TM9SF2: variants seen among roughly 807,000 people sequenced by gnomAD.
TM9SF2 encodes transmembrane 9 superfamily member 2.
TM9SF2 carries 13 observed loss-of-function variants against 84.9 expected under a neutral mutation model. That is an observed-to-expected ratio of 0.15 (90% CI 0.10 to 0.24). The LOEUF is 0.24. Among genes scored for constraint, TM9SF2 ranks in the 10% least tolerant of loss-of-function variants. The probability of loss-of-function intolerance (pLI) is 1.00; values close to 1 mark genes in which losing one functional copy is unlikely to be tolerated. For synonymous variants in TM9SF2, 273 were observed against 285.8 expected (o/e 0.96, Z 0.45); for missense variants, 562 against 818.5 (o/e 0.69, Z 3.82).
At chr13:99,519,298 T>G (rs1387341409) in intron 2 of TM9SF2, among the ~76,000 whole-genome samples, 2 of 152,068 alleles carry the variant, frequency 1.3e-5, no homozygotes, top group African/African-American at 4.8e-5. Context: ...CCCCAGTTTT[T>G]TTTTTTTTTT....
At chr13:99,520,350 G>A (rs2046153937) in intron 3 of TM9SF2, among the ~76,000 whole-genome samples, 1 of 152,128 alleles carries the variant, frequency 6.6e-6, no homozygotes, top group Non-Finnish European at 1.5e-5. Context: ...ACTAATGTTA[G>A]GAATGTTAAG....
intron 10 of TM9SF2, among the ~76,000 whole-genome samples, chr13:99,545,100 C>T (rs1219849312): frequency 6.6e-6 from 1 of 152,118 alleles, no homozygotes; most frequent in Non-Finnish European, 1.5e-5. Flanking sequence ...TGGGAGAATT[C>T]AGAAACTAAC....
At chr13:99,533,652 T>A (rs1205089866) in intron 4 of TM9SF2, among the ~76,000 whole-genome samples, 1 of 152,200 alleles carries the variant, frequency 6.6e-6, no homozygotes, top group Admixed American at 6.5e-5. Context: ...GAATACTTTT[T>A]ATTTTTTTAT....
intron 4 of TM9SF2, among the ~76,000 whole-genome samples, chr13:99,532,567 G>A (rs1411370464): frequency 3.3e-5 from 5 of 152,056 alleles, no homozygotes; most frequent in Non-Finnish European, 4.4e-5. Context: ...GCAGGCGCCT[G>A]TAATCCCAGC....
In TM9SF2 at chr13:99,539,247, C is replaced by T. The variant is rs117278378; in HGVS notation, c.717-199C>T. Among the ~76,000 whole-genome samples the T allele has an allele frequency of 4.4e-4, 67 of 151,682 alleles. No individual in the cohort carries two copies. The East Asian group carries it at 0.013, about 29-fold the overall frequency. ...GAAAAAAAAAAAGATTATTTAAATG[C>T]TCTTCAAGTATAGTGTTTTCAAAAG... On this transcript the variant is annotated intron_variant, in intron 6 of 16. Coordinates refer to ENST00000376387, the MANE Select transcript of TM9SF2 (RefSeq NM_004800.3).
chr13:99,510,738 C>T (rs2046110206), intron 1 of TM9SF2, among the ~76,000 whole-genome samples: 2 of 152,206 alleles, frequency 1.3e-5, no homozygotes, highest in Non-Finnish European at 2.9e-5. Flanking sequence ...CCACCTCCAA[C>T]ACTGGAGAAT....
chr13:99,552,400 C>A, intron 13 of TM9SF2, 74 bp downstream of exon 13: 1 of 1,404,950 alleles, frequency 7.1e-7, no homozygotes, highest in Non-Finnish European at 9.8e-7. Flanking sequence ...TCAAAAGATA[C>A]CATAAAAGTG....
At chr13:99,511,246 C>CG (rs2139072049) in intron 1 of TM9SF2, among the ~76,000 whole-genome samples, 1 of 152,178 alleles carries the variant, frequency 6.6e-6, no homozygotes, top group Non-Finnish European at 1.5e-5. Flanking sequence ...CACCTAGAAT[C>CG]AACAGTTGTT....
At chr13:99,526,060 A>G (rs1379528257) in intron 3 of TM9SF2, among the ~76,000 whole-genome samples, 1 of 152,210 alleles carries the variant, frequency 6.6e-6, no homozygotes, top group African/African-American at 2.4e-5. Flanking sequence ...AGGCAGAGAC[A>G]TGGGGCATGA....
intron 2 of TM9SF2, chr13:99,519,698 T>TA (rs1481839463): frequency 5.8e-6 from 1 of 173,908 alleles, no homozygotes; most frequent in African/African-American, 2.4e-5. Flanking sequence ...AGCAAGGAGA[T>TA]AAGTTATGCA....
At position 99,537,819 on chromosome 13, in the gene TM9SF2, G is replaced by T. The variant is rs1045548948; in HGVS notation, c.672G>T (p.Gly224=). The T allele has an allele frequency of 2.5e-6, 4 of 1,610,704 alleles. No homozygotes were observed. The African/African-American group carries it at 5.3e-5, about 22-fold the overall frequency. The change falls in exon 6 of 17, where the codon GGG becomes GGT. Residue 224 remains glycine, a synonymous_variant. Transcript: ENST00000376387. ...TATACTATCATGTTGTTGAAACTGG[G>T]TCCATGGGAGCAAGATTAGTGGCTG... ...IKIYYHVVET[G]SMGARLVAAK...
At chr13:99,559,274 C>T in intron 15 of TM9SF2, 89 bp from the exon 16 acceptor site, 1 of 1,153,584 alleles carries the variant, frequency 8.7e-7, no homozygotes, top group Non-Finnish European at 1.2e-6. Context: ...GGGGCTGTCT[C>T]ATTTATTATG....
In TM9SF2 at chr13:99,562,568, C is replaced by T. The variant is rs191792607; in HGVS notation, c.1925-123C>T. ...TGCTCATAGATCTGTAGTATATTCC[C>T]GGTGGGTAATAGTTTATAGTTTTGC... is the stretch of plus-strand genomic sequence containing the variant. On this transcript the variant is annotated intron_variant, in intron 16 of 16. Transcript: ENST00000376387. 4.5e-4 allele frequency: 343 copies of T among 766,632 alleles called. 3 individuals are homozygous for T. Among genetic ancestry groups the T allele is most frequent in the Non-Finnish European group, 2.9e-5 (14 of 481,014 alleles). 47.5% of individuals were successfully genotyped at this position (766,632 alleles called of 1,614,324 possible).
intron 10 of TM9SF2, 77 bp downstream of exon 10, chr13:99,544,072 C>A: frequency 6.5e-7 from 1 of 1,538,130 alleles, no homozygotes; most frequent in Non-Finnish European, 8.9e-7. Context: ...GTTTTTCTGG[C>A]CGGGCATGGT....
chr13:99,544,342 C>CAAA (rs746029393), intron 10 of TM9SF2, among the ~76,000 whole-genome samples: 4 of 123,416 alleles, frequency 3.2e-5, no homozygotes, highest in African/African-American at 3.5e-5. Flanking sequence ...GACTCCATCT[C>CAAA]AAAAAAAAAA....
At position 99,562,737 on chromosome 13, in the gene TM9SF2, C is replaced by T; in HGVS notation, c.1971C>T (p.Tyr657=). Reference sequence around the variant, plus strand: ...GCTTTTGGTTTGTTACCAAAATATACAGTGTGGTGAAGGTTGACTGAAGAA... The same window carrying T: ...GCTTTTGGTTTGTTACCAAAATATATAGTGTGGTGAAGGTTGACTGAAGAA... ...FACFWFVTKI[Y]SVVKVD is the part of the protein sequence containing the mutation. Residue 657 remains tyrosine, a synonymous_variant, in exon 17 of 17, where the codon TAC becomes TAT. Coordinates refer to ENST00000376387, the MANE Select transcript of TM9SF2 (RefSeq NM_004800.3). 2 of 1,613,270 alleles carry T rather than the reference C, an allele frequency of 1.2e-6. No homozygotes were observed. Among genetic ancestry groups the T allele is most frequent in the Non-Finnish European group, 1.7e-6 (2 of 1,179,648 alleles).
intron 1 of TM9SF2, chr13:99,514,400 T>C (rs1306479516): frequency 1.3e-5 from 2 of 152,244 alleles, no homozygotes; most frequent in African/African-American, 4.8e-5. Context: ...TGTGTTTAGC[T>C]ACACAAATAC....
At chr13:99,541,846 A>C in intron 9 of TM9SF2, 179 bp downstream of exon 9, 1 of 456,700 alleles carries the variant, frequency 2.2e-6, no homozygotes, top group Non-Finnish European at 3.9e-6. Context: ...TAAGAAAGTG[A>C]TACTTAAGAA....
At chr13:99,551,779 A>C (rs1044088485) in intron 12 of TM9SF2, among the ~76,000 whole-genome samples, 3 of 152,210 alleles carry the variant, frequency 2.0e-5, no homozygotes, top group Non-Finnish European at 4.4e-5. Context: ...TTGGCAAGAC[A>C]TGCAGGTCAA....
Sources: gnomAD v4.1 joint callset for allele counts (sites outside exome capture counted in the v4.1 genomes callset) on GRCh38, gnomAD v4.1.1 for gene constraint, MANE v1.5 for transcripts, NCBI Gene and HGNC (gene_info 2026-07-23, HGNC 2026-07-21) for gene names.